The following FASTKD5 variants were observed in gnomAD, a reference collection of about 807,000 sequenced individuals.
The protein encoded by FASTKD5 is FAST kinase domains 5, also known as non-canonical pre-mRNAs endonuclease FASTKD5, mitochondrial.
In FASTKD5, 30 loss-of-function variants were observed where a neutral mutation model predicts 44.0. That is an observed-to-expected ratio of 0.68 (90% CI 0.51 to 0.93). The LOEUF (loss-of-function observed/expected upper bound fraction) is 0.93. Among genes scored for constraint, FASTKD5 ranks in the 40% least tolerant of loss-of-function variants. The probability of loss-of-function intolerance (pLI) is 0.00; values close to 1 mark genes in which losing one functional copy is unlikely to be tolerated. For synonymous variants in FASTKD5, 335 were observed against 342.2 expected (o/e 0.98, Z 0.23); for missense variants, 868 against 908.2 (o/e 0.96, Z 0.57).
rs1251930257 is a variant in FASTKD5, at chr20:3,147,712, G to A, written c.1359C>T (p.Ser453=). The change falls in exon 2 of 2, where the codon AGC becomes AGT. Residue 453 remains serine, a synonymous_variant. Coordinates refer to ENST00000380266, the MANE Select transcript of FASTKD5 (RefSeq NM_021826.5). ...TCTTTCTGTGAATCTCACTTATCAG[G>A]CTGGAGTAAAATTCTTCTGCATTGG... ...KPPNAEEFYS[S]LISEIHRKMP... 1 of 1,614,236 alleles carries A rather than the reference G, an allele frequency of 6.2e-7. No homozygotes were observed. Among genetic ancestry groups the A allele is most frequent in the Non-Finnish European group, 8.5e-7 (1 of 1,180,048 alleles).
Position 3,146,679 on chromosome 20 carries a change from T to A in FASTKD5, c.*97A>T. On this transcript the variant is annotated 3_prime_UTR_variant, in exon 2 of 2. Transcript: ENST00000380266. ...ATTAAGTCTCCTCAACACACTATTT[T>A]ATCGCCAAACTTACATTCTGGCTTT... 1 of 1,421,408 alleles carries A rather than the reference T, an allele frequency of 7.0e-7. No individual in the cohort carries two copies. The highest frequency in any genetic ancestry group is 9.6e-7 in the Non-Finnish European group (1 of 1,045,970). The allele number at this position is 1,421,408 out of a possible 1,614,324, so 88.0% of individuals were successfully genotyped here.
chr20:3,148,462 G>A lies in FASTKD5; in HGVS notation c.609C>T (p.Thr203=). 2 of 1,614,096 alleles carry A rather than the reference G, an allele frequency of 1.2e-6. No homozygotes were observed. Among genetic ancestry groups the A allele is most frequent in the Non-Finnish European group, 1.7e-6 (2 of 1,180,020 alleles). Residue 203 remains threonine (T), a synonymous_variant, in exon 2 of 2, where the codon ACC becomes ACT. Coordinates refer to ENST00000380266, the MANE Select transcript of FASTKD5 (RefSeq NM_021826.5). ...LSVKKIQLFD[T]QDLINVLKAF... is the part of the protein sequence containing the mutation. ...CTTTCAAAACATTGATCAGATCTTGGGTATCAAAGAGCTGTATCTTCTTCA... is the reference window on the plus strand; with the variant it reads ...CTTTCAAAACATTGATCAGATCTTGAGTATCAAAGAGCTGTATCTTCTTCA...
rs1442818290 is a variant in FASTKD5 at position 3,155,350 on chromosome 20, C to T, written c.-191+4416G>A. On this transcript the variant is annotated intron_variant, in intron 1 of 1. Transcript: ENST00000380266. ...TTTGAGACCAGCCTGGCCAACGTGG[C>T]GAAACCACGTCTCTCCTAAAAATAC... 3.3e-5 allele frequency among the ~76,000 whole-genome samples: 5 copies of T among 152,162 alleles called. No individual in the cohort carries two copies. In the South Asian group the frequency reaches 6.2e-4, roughly 19 times the overall value.
At chr20:3,150,060 ACCCT>A (rs764299312) in intron 1 of FASTKD5, among the ~76,000 whole-genome samples, 3 of 151,782 alleles carry the variant, frequency 2.0e-5, no homozygotes, top group Non-Finnish European at 4.4e-5. Flanking sequence ...ACCTACGATA[ACCCT>A]CCCTGTTCTT....
chr20:3,147,265 T>C lies in FASTKD5; in HGVS notation c.1806A>G (p.Pro602=), dbSNP rs2066574586. 1.9e-6 allele frequency: 3 copies of C among 1,614,234 alleles called. No homozygotes were observed. Among genetic ancestry groups the C allele is most frequent in the African/African-American group, 2.7e-5 (2 of 75,058 alleles). ...CAGCCGGCGTGGCTTCTCTATTAAA[T>C]GGTAATGGCTTCAGGTTAACATCAA... ...VQLDVNLKPL[P]FNREATPAEN... Residue 602 remains proline (P), a synonymous_variant, in exon 2 of 2, where the codon CCA becomes CCG. Coordinates refer to ENST00000380266, the MANE Select transcript of FASTKD5 (RefSeq NM_021826.5).
At position 3,148,282 on chromosome 20, in the gene FASTKD5, G is replaced by A. The variant is rs755994940; in HGVS notation, c.789C>T (p.Asn263=). The A allele has an allele frequency of 2.1e-5, 34 of 1,611,496 alleles. No homozygotes were observed. In the Admixed American group the frequency reaches 5.7e-4, roughly 27 times the overall value. ...YLGRKVPRFL[N]IFSSYLNLHW... The stretch of plus-strand genomic sequence containing the variant: ...GCAAATTAAGATAACTAGAAAAAAT[G>A]TTTAAAAACCTAGGTACTTTGCGGC... Residue 263 remains asparagine (N), a synonymous_variant, in exon 2 of 2, where the codon AAC becomes AAT. Coordinates refer to ENST00000380266, the MANE Select transcript of FASTKD5 (RefSeq NM_021826.5).
chr20:3,158,622 C>A (rs1374612325), intron 1 of FASTKD5, among the ~76,000 whole-genome samples: 1 of 152,016 alleles, frequency 6.6e-6, no homozygotes, highest in Non-Finnish European at 1.5e-5. Flanking sequence ...CTACAGGCGC[C>A]CGCCACCACG....
intron 1 of FASTKD5, among the ~76,000 whole-genome samples, chr20:3,155,958 A>T (rs1409563080): frequency 6.6e-6 from 1 of 152,214 alleles, no homozygotes; most frequent in Non-Finnish European, 1.5e-5. Context: ...GGTCTTGAGT[A>T]CTGTGGAGAA....
chr20:3,154,279 G>C (rs1005552832), intron 1 of FASTKD5, among the ~76,000 whole-genome samples: 2 of 152,156 alleles, frequency 1.3e-5, no homozygotes, highest in African/African-American at 4.8e-5. Flanking sequence ...TACTTCTACC[G>C]GATAATCCGG....
intron 1 of FASTKD5, among the ~76,000 whole-genome samples, chr20:3,157,968 T>C (rs1441074445): frequency 6.6e-6 from 1 of 152,030 alleles, no homozygotes; most frequent in Non-Finnish European, 1.5e-5. Flanking sequence ...CAATCTCCGC[T>C]CACTGCATCC....
chr20:3,146,798 T>C lies in FASTKD5; in HGVS notation c.2273A>G (p.Lys758Arg), dbSNP rs148156105. 1.2e-6 allele frequency: 2 copies of C among 1,613,916 alleles called. No individual in the cohort carries two copies. Among genetic ancestry groups the C allele is most frequent in the African/African-American group, 2.7e-5 (2 of 74,912 alleles). The part of the protein sequence containing the change: ...RLEKLAFLHE[K>R]VFTSAL ...CCTTCAGAGAGCAGAGGTGAATACT[T>C]TCTCATGAAGAAACGCCAACTTTTC... Residue 758 changes from lysine to arginine, a missense_variant, in exon 2 of 2, where the codon AAA becomes AGA. Transcript: ENST00000380266.
chr20:3,156,891 T>C (rs994332555), intron 1 of FASTKD5: 12 of 152,286 alleles, frequency 7.9e-5, no homozygotes, highest in African/African-American at 2.9e-4. Context: ...CCCAATAAAA[T>C]TGCCACAAAT....
At chr20:3,153,184 T>C (rs1172892365) in intron 1 of FASTKD5, among the ~76,000 whole-genome samples, 1 of 152,156 alleles carries the variant, frequency 6.6e-6, no homozygotes, top group Non-Finnish European at 1.5e-5. Context: ...TACCTAAGAG[T>C]ACTTAATGAA....
chr20:3,147,016 G>A lies in FASTKD5; in HGVS notation c.2055C>T (p.Cys685=), dbSNP rs1164068394. Residue 685 remains cysteine, a synonymous_variant, in exon 2 of 2, where the codon TGC becomes TGT. Coordinates refer to ENST00000380266, the MANE Select transcript of FASTKD5 (RefSeq NM_021826.5). The part of the protein sequence containing the change: ...KSGAMEMAGL[C]PAACMQTPRM... ...TTGGGGTCTGCATGCAGGCTGCGGG[G>A]CACAGGCCAGCCATCTCCATGGCCC... The A allele has an allele frequency of 1.9e-6, 3 of 1,614,198 alleles. No homozygotes were observed. Among genetic ancestry groups the A allele is most frequent in the South Asian group, 1.1e-5 (1 of 91,078 alleles).
At chr20:3,154,245 A>T (rs1291839169) in intron 1 of FASTKD5, among the ~76,000 whole-genome samples, 2 of 152,234 alleles carry the variant, frequency 1.3e-5, no homozygotes, top group East Asian at 1.9e-4. Context: ...GACGACATAG[A>T]CAGTACCCAG....
Position 3,146,555 on chromosome 20 carries a change from T to C in FASTKD5, c.*221A>G. Reference sequence around the variant, plus strand: ...TAGGACATATTAAGATGTTTATTATTTACTAAGAGTAACATGTATACATTT... The same window carrying C: ...TAGGACATATTAAGATGTTTATTATCTACTAAGAGTAACATGTATACATTT... On this transcript the variant is annotated 3_prime_UTR_variant, in exon 2 of 2. Transcript: ENST00000380266. The C allele has an allele frequency of 1.9e-6, 1 of 514,098 alleles. No individual in the cohort carries two copies. 31.8% of individuals were successfully genotyped at this position (514,098 alleles called of 1,614,324 possible). A position where few individuals can be genotyped will look rare whatever the true frequency, so the allele number is the denominator to read the frequency against.
intron 1 of FASTKD5, among the ~76,000 whole-genome samples, chr20:3,151,410 C>T (rs1049939706): frequency 6.6e-6 from 1 of 152,194 alleles, no homozygotes; most frequent in African/African-American, 2.4e-5. Flanking sequence ...ATTGTATGGC[C>T]TGCAAAGCAT....
chr20:3,156,173 CTTTTTTTT>C (rs761149925), intron 1 of FASTKD5, among the ~76,000 whole-genome samples: 2 of 130,136 alleles, frequency 1.5e-5, no homozygotes, highest in Non-Finnish European at 3.3e-5. Context: ...ACTTCTGACT[CTTTTTTTT>C]TTTTTTTTTT....
intron 1 of FASTKD5, among the ~76,000 whole-genome samples, chr20:3,153,230 T>C (rs2066649578): frequency 6.6e-6 from 1 of 152,254 alleles, no homozygotes; most frequent in Non-Finnish European, 1.5e-5. Flanking sequence ...AAGAACCATC[T>C]CCTAGAACAT....
Sources: allele counts gnomAD v4.1 joint callset (sites outside exome capture counted in the v4.1 genomes callset), GRCh38; gene constraint gnomAD v4.1.1; transcripts MANE v1.5; gene names NCBI Gene and HGNC (gene_info 2026-07-23, HGNC 2026-07-21).